Variants in ASCC2 observed in about 807,000 individuals in gnomAD.
ASCC2 encodes activating signal cointegrator 1 complex subunit 2.
A neutral mutation model predicts 93.5 loss-of-function variants in ASCC2; 42 were observed. That is an observed-to-expected ratio of 0.45 (90% CI 0.35 to 0.58). The LOEUF is 0.58. Ranked by LOEUF, ASCC2 falls within the 20% of genes least tolerant of loss-of-function variation. The pLI is 0.00. For missense variants in ASCC2, 859 were observed against 977.6 expected (o/e 0.88, Z 1.62); for synonymous variants, 364 against 384.2 (o/e 0.95, Z 0.62).
intron 15 of ASCC2, 86 bp from the exon 16 acceptor site, chr22:29,793,762 T>A: frequency 7.9e-7 from 1 of 1,258,514 alleles, no homozygotes; most frequent in Non-Finnish European, 1.1e-6. Flanking sequence ...ACCACAGGCT[T>A]AACTGCTCCA....
chr22:29,805,511 T>C (rs112761405), intron 12 of ASCC2, among the ~76,000 whole-genome samples: 7,739 of 152,208 alleles, frequency 0.051, 249 homozygotes, highest in South Asian at 0.098. Flanking sequence ...GAACTGCCCA[T>C]GTCACTTCCT....
Position 29,825,848 on chromosome 22 carries a change from C to T in ASCC2, c.82-68G>A. ...CAGCGAGGGCCCATTTGCCAACCCA[C>T]AGCAATGACAACACTTGGCTGTTCC... On this transcript the variant is annotated intron_variant, in intron 2 of 19. Transcript: ENST00000307790. This position sits in a 1 kb window ranked among gnomAD's most constrained non-coding sequence, Gnocchi z 4.9. 3 of 1,531,914 alleles carry T rather than the reference C, an allele frequency of 2.0e-6. No homozygotes were observed. The Admixed American group carries it at 5.9e-5, about 30-fold the overall frequency. The allele number at this position is 1,531,914 out of a possible 1,614,324, so 94.9% of individuals were successfully genotyped here.
In ASCC2 at chr22:29,790,518, G is replaced by A. The variant is rs1274572092; in HGVS notation, c.2053C>T (p.Leu685=). ...PDHFVQDPAV[L]REKAEARRMA... is the part of the protein sequence containing the mutation. ...CGCCTGGCTTCTGCCTTCTCTCTCAGCACTGCAGGGTCCTGAACAAAATGG... is the reference window on the plus strand; with the variant it reads ...CGCCTGGCTTCTGCCTTCTCTCTCAACACTGCAGGGTCCTGAACAAAATGG... The change falls in exon 19 of 20, where the codon CTG becomes TTG. Residue 685 remains leucine, a synonymous_variant. Transcript: ENST00000307790. The A allele has an allele frequency of 1.2e-6, 2 of 1,613,996 alleles. No homozygotes were observed. Among genetic ancestry groups the A allele is most frequent in the Admixed American group, 1.7e-5 (1 of 60,002 alleles).
chr22:29,788,915 A>G lies in ASCC2; in HGVS notation c.*98T>C. The G allele has an allele frequency of 6.9e-7, 1 of 1,458,064 alleles. No homozygotes were observed. Among genetic ancestry groups the G allele is most frequent in the Non-Finnish European group, 9.5e-7 (1 of 1,056,144 alleles). The allele number at this position is 1,458,064 out of a possible 1,614,324, so 90.3% of individuals were successfully genotyped here. ...CAAAGCTGAGGCTGTTGAGGGGTTG[A>G]GTTGAACTTGGGGCCCCTAGTGAGG... On this transcript the variant is annotated 3_prime_UTR_variant, in exon 20 of 20. Coordinates refer to ENST00000307790, the MANE Select transcript of ASCC2 (RefSeq NM_032204.5).
chr22:29,808,284 C>T, intron 8 of ASCC2, 99 bp from the exon 9 acceptor site: 1 of 1,244,166 alleles, frequency 8.0e-7, no homozygotes, highest in Non-Finnish European at 1.1e-6. Flanking sequence ...AGGCCCATTT[C>T]TTTTTCCACA....
intron 1 of ASCC2, among the ~76,000 whole-genome samples, chr22:29,834,901 C>T (rs1003104128): frequency 1.3e-5 from 2 of 152,096 alleles, no homozygotes; most frequent in African/African-American, 4.8e-5. Flanking sequence ...CTGGAAACAC[C>T]ACTGCTCTGC....
chr22:29,826,309 CTTTTG>C (rs899214483), intron 2 of ASCC2, among the ~76,000 whole-genome samples: 4 of 151,078 alleles, frequency 2.6e-5, no homozygotes, highest in South Asian at 2.1e-4. Context: ...TCATATATTA[CTTTTG>C]TTTTGTTTTG....
At chr22:29,795,941 A>C (rs1162246701) in intron 15 of ASCC2, among the ~76,000 whole-genome samples, 1 of 151,952 alleles carries the variant, frequency 6.6e-6, no homozygotes, top group Non-Finnish European at 1.5e-5. Flanking sequence ...AAAAAAGAAA[A>C]GACACAAAGC....
At chr22:29,796,588 T>C (rs193228050) in intron 15 of ASCC2, among the ~76,000 whole-genome samples, 17 of 152,264 alleles carry the variant, frequency 1.1e-4, no homozygotes, top group Non-Finnish European at 2.1e-4. Context: ...GCACTTGATT[T>C]AGACCAGGGA....
chr22:29,788,861 T>C lies in ASCC2; in HGVS notation c.*152A>G. 1 of 884,410 alleles carries C rather than the reference T, an allele frequency of 1.1e-6. No homozygotes were observed. Among genetic ancestry groups the C allele is most frequent in the Non-Finnish European group, 1.8e-6 (1 of 571,108 alleles). 54.8% of individuals were successfully genotyped at this position (884,410 alleles called of 1,614,324 possible). On this transcript the variant is annotated 3_prime_UTR_variant, in exon 20 of 20. Transcript: ENST00000307790. ...CAGGAAGGCGCTCATGGCTGGCTGGTAGATGAGAGGCGGCCTTCTCAGGGG... is the reference window on the plus strand; with the variant it reads ...CAGGAAGGCGCTCATGGCTGGCTGGCAGATGAGAGGCGGCCTTCTCAGGGG...
At chr22:29,811,587 C>T (rs1390993522) in intron 8 of ASCC2, among the ~76,000 whole-genome samples, 3 of 152,220 alleles carry the variant, frequency 2.0e-5, no homozygotes, top group African/African-American at 4.8e-5. Context: ...CTCAGCAGGG[C>T]GTTCCTGGCC....
Position 29,806,407 on chromosome 22 carries a change from T to C in ASCC2, c.1085+78A>G, listed in dbSNP as rs191845984. ...CCTTATTAGAGCTGTGGTGGGCCTA[T>C]AGCGGGGGTCTATCATGTAAGGCCT... On this transcript the variant is annotated intron_variant, in intron 11 of 19. Transcript: ENST00000307790. The C allele has an allele frequency of 1.1e-3, 1,728 of 1,572,036 alleles. 19 individuals carry two copies. The highest frequency in any genetic ancestry group is 1.9e-4 in the Non-Finnish European group (222 of 1,143,276).
At chr22:29,822,198 G>T in intron 5 of ASCC2, 137 bp downstream of exon 5, 2 of 1,157,876 alleles carry the variant, frequency 1.7e-6, no homozygotes, top group South Asian at 1.4e-5. Flanking sequence ...TCATATATCT[G>T]TTAAGCAATT....
At chr22:29,801,159 G>A (rs2059034889) in intron 14 of ASCC2, 49 bp from the exon 15 acceptor site, 2 of 1,555,926 alleles carry the variant, frequency 1.3e-6, no homozygotes, top group South Asian at 1.2e-5. Flanking sequence ...GCCAGCTGAT[G>A]CAATCTGCAC....
intron 8 of ASCC2, among the ~76,000 whole-genome samples, chr22:29,812,022 G>A (rs556968866): frequency 6.6e-6 from 1 of 152,276 alleles, no homozygotes. Flanking sequence ...TCTCTTCTGG[G>A]GAAAATGCCA....
intron 2 of ASCC2, chr22:29,827,526 G>A (rs752210677): frequency 2.3e-5 from 11 of 468,574 alleles, no homozygotes; most frequent in Non-Finnish European, 1.3e-5. Context: ...ATTCTTCAAG[G>A]CCACCTCTCA....
intron 1 of ASCC2, among the ~76,000 whole-genome samples, chr22:29,835,969 G>C (rs1487673639): frequency 6.6e-6 from 1 of 152,104 alleles, no homozygotes; most frequent in Admixed American, 6.5e-5. Context: ...TCCAAGCAGA[G>C]AGCAAGCATG....
In ASCC2 at chr22:29,806,567, C is replaced by T. The variant is rs183465243; in HGVS notation, c.1017-14G>A. On this transcript the variant is annotated splice_polypyrimidine_tract_variant and intron_variant, in intron 10 of 19. Coordinates refer to ENST00000307790, the MANE Select transcript of ASCC2 (RefSeq NM_032204.5). Reference sequence around the variant, plus strand: ...ATGTTGTCACAGCTAGAACAAGACACCAGGGAAGATGAGCTCATGCAATGC... The same window carrying T: ...ATGTTGTCACAGCTAGAACAAGACATCAGGGAAGATGAGCTCATGCAATGC... 711 of 1,611,070 alleles carry T rather than the reference C, an allele frequency of 4.4e-4. 14 individuals carry two copies. The East Asian group carries it at 0.013, about 29-fold the overall frequency.
chr22:29,831,150 G>A lies in ASCC2; in HGVS notation c.81+1095C>T, dbSNP rs116266468. On this transcript the variant is annotated intron_variant, in intron 2 of 19. Transcript: ENST00000307790. ...TGCTTAATAGCTACATGTGGTGAAT[G>A]ACCACCTATTGGGTGGCTATCATAC... is the stretch of plus-strand genomic sequence containing the variant. 7.6e-3 allele frequency among the ~76,000 whole-genome samples: 1,155 copies of A among 152,330 alleles called. 16 individuals are homozygous for A. Among genetic ancestry groups the A allele is most frequent in the African/African-American group, 0.026 (1,091 of 41,564 alleles).
Sources: allele counts gnomAD v4.1 joint callset (sites outside exome capture counted in the v4.1 genomes callset), GRCh38; gene constraint gnomAD v4.1.1; non-coding constraint Gnocchi (gnomAD v3.1); transcripts MANE v1.5; gene names NCBI Gene and HGNC (gene_info 2026-07-23, HGNC 2026-07-21).